Variants in CTCF observed in about 807,000 individuals in gnomAD.
CTCF encodes the protein transcriptional repressor CTCF.
In CTCF, 7 loss-of-function variants were observed where a neutral mutation model predicts 72.3. The ratio of observed to expected loss-of-function variants is 0.10; its 90% CI spans 0.06 to 0.18. The LOEUF (loss-of-function observed/expected upper bound fraction) is 0.18. CTCF is among the 10% of genes least tolerant of loss of function. The pLI, the probability that CTCF is intolerant of heterozygous loss-of-function variation, is 1.00. For missense variants in CTCF, 516 were observed against 949.1 expected (o/e 0.54, Z 6.00); for synonymous variants, 374 against 315.8 (o/e 1.18, Z -1.95).
In CTCF at chr16:67,610,983, G is replaced by A; in HGVS notation, c.151G>A (p.Val51Ile). 6.2e-7 allele frequency: 1 copy of A among 1,603,080 alleles called. No individual in the cohort carries two copies. The highest frequency in any genetic ancestry group is 8.5e-7 in the Non-Finnish European group (1 of 1,170,842). ...GAACCAGACGGATGGGGGTGAGGTG[G>A]TCCAGGATGTCAACAGCAGTGTACA... ...PQNQTDGGEV[V>I]QDVNSSVQMV... The change falls in exon 3 of 12, where the codon GTC becomes ATC. Residue 51 changes from valine (V) to isoleucine (I), a missense_variant. Transcript: ENST00000264010.
At chr16:67,607,197 T>C (rs1199288243) in intron 2 of CTCF, among the ~76,000 whole-genome samples, 1 of 152,054 alleles carries the variant, frequency 6.6e-6, no homozygotes, top group Non-Finnish European at 1.5e-5. Flanking sequence ...CTTCAAGTGA[T>C]CTGCCCGCCT....
chr16:67,577,835 T>C (rs564820346), intron 2 of CTCF, among the ~76,000 whole-genome samples: 40 of 152,270 alleles, frequency 2.6e-4, no homozygotes, highest in Non-Finnish European at 4.1e-4. Flanking sequence ...AGGAAGCTCC[T>C]GCATCTGCCC....
chr16:67,581,486 C>G (rs761725105), intron 2 of CTCF, among the ~76,000 whole-genome samples: 2 of 152,028 alleles, frequency 1.3e-5, no homozygotes, highest in East Asian at 3.9e-4. Context: ...CTAGGCCTGG[C>G]TTATTTTATT....
intron 2 of CTCF, among the ~76,000 whole-genome samples, chr16:67,606,429 C>T (rs1318788661): frequency 2.0e-5 from 3 of 152,198 alleles, no homozygotes; most frequent in African/African-American, 7.2e-5. Flanking sequence ...CATTGTGCTA[C>T]CTATTTTGTC....
In CTCF at chr16:67,629,746, C is replaced by CTTTTTTTTTTTTTT. The variant is rs71145978; in HGVS notation, c.1837+246_1837+259dup. Among the ~76,000 whole-genome samples the CTTTTTTTTTTTTTT allele has an allele frequency of 1.4e-4, 9 of 63,364 alleles. 3 individuals are homozygous for CTTTTTTTTTTTTTT. The highest frequency in any genetic ancestry group is 2.3e-4 in the Admixed American group (1 of 4,334). 41.6% of individuals were successfully genotyped at this position (63,364 alleles called of 152,430 possible). Reference sequence around the variant, plus strand: ...TCGTGGCATTCCGCTCATTAATGCCCTTTTTTTTTTTTTTTTTTTTTTTTT... The same window carrying CTTTTTTTTTTTTTT: ...TCGTGGCATTCCGCTCATTAATGCCCTTTTTTTTTTTTTTTTTTTTTTTTTTTTTTTTTTTTTTT... On this transcript the variant is annotated intron_variant, in intron 10 of 11. Transcript: ENST00000264010.
chr16:67,619,592 C>T (rs1354036147), intron 5 of CTCF, among the ~76,000 whole-genome samples: 2 of 151,988 alleles, frequency 1.3e-5, no homozygotes, highest in South Asian at 2.1e-4. Context: ...GCAGGGGGTG[C>T]GTGGCAGACA....
intron 7 of CTCF, among the ~76,000 whole-genome samples, chr16:67,624,161 A>T (rs1597723466): frequency 6.7e-6 from 1 of 150,288 alleles, no homozygotes; most frequent in South Asian, 2.1e-4. Flanking sequence ...ATGTGTGTAT[A>T]TATATATGTA....
At chr16:67,575,654 G>T (rs2051486715) in intron 2 of CTCF, among the ~76,000 whole-genome samples, 2 of 151,948 alleles carry the variant, frequency 1.3e-5, no homozygotes, top group Non-Finnish European at 2.9e-5. Context: ...TATTGGCTGG[G>T]CTGGTCTCAA....
At chr16:67,628,931 G>A (rs891147800) in intron 9 of CTCF, among the ~76,000 whole-genome samples, 1 of 152,010 alleles carries the variant, frequency 6.6e-6, no homozygotes, top group Admixed American at 6.6e-5. Context: ...GCGGTGGCGG[G>A]CCCCTGTACT....
intron 2 of CTCF, among the ~76,000 whole-genome samples, chr16:67,571,816 A>G (rs1024272355): frequency 6.6e-6 from 1 of 152,148 alleles, no homozygotes; most frequent in Non-Finnish European, 1.5e-5. Flanking sequence ...TGTGACAGTG[A>G]TTATCATTTT....
intron 2 of CTCF, among the ~76,000 whole-genome samples, chr16:67,601,261 TTTG>T (rs1451158263): frequency 2.7e-5 from 4 of 147,706 alleles, no homozygotes; most frequent in Non-Finnish European, 4.5e-5. Flanking sequence ...TGTGTTTTGT[TTTG>T]TTTTTTAAGA....
chr16:67,608,042 C>G (rs886353343), intron 2 of CTCF, among the ~76,000 whole-genome samples: 2 of 113,748 alleles, frequency 1.8e-5, no homozygotes, highest in African/African-American at 4.1e-5. Flanking sequence ...AAGTAAAAAC[C>G]GGTTGGGCGC....
intron 2 of CTCF, among the ~76,000 whole-genome samples, chr16:67,599,249 G>A (rs146043806): frequency 6.6e-6 from 1 of 152,280 alleles, no homozygotes; most frequent in Non-Finnish European, 1.5e-5. Flanking sequence ...ACAAAAACTA[G>A]TTGGGCCTGG....
chr16:67,609,974 T>G (rs1037331091), intron 2 of CTCF, among the ~76,000 whole-genome samples: 1 of 152,102 alleles, frequency 6.6e-6, no homozygotes, highest in Non-Finnish European at 1.5e-5. Context: ...TCTTGGAGGA[T>G]GTTTAATAGC....
At chr16:67,576,290 C>G (rs530235342) in intron 2 of CTCF, among the ~76,000 whole-genome samples, 85 of 151,766 alleles carry the variant, frequency 5.6e-4, no homozygotes, top group African/African-American at 2.0e-3. Context: ...AGCAGAAGCT[C>G]AATAAGTAAT....
At position 67,611,321 on chromosome 16, in the gene CTCF, G is replaced by T. The variant is rs762678010; in HGVS notation, c.489G>T (p.Gly163=). The T allele has an allele frequency of 5.1e-5, 83 of 1,613,976 alleles. No individual in the cohort carries two copies. Among genetic ancestry groups the T allele is most frequent in the Admixed American group, 1.8e-4 (11 of 59,972 alleles). ...GCCACACCCTACCTTTGCCTGAAGG[G>T]TTTCAGGTGGTTAAAGTGGGGGCCA... is the stretch of plus-strand genomic sequence containing the variant. ...MICHTLPLPE[G]FQVVKVGANG... The change falls in exon 3 of 12, where the codon GGG becomes GGT. Residue 163 remains glycine, a synonymous_variant. Transcript: ENST00000264010.
At chr16:67,592,647 G>A (rs989017513) in intron 2 of CTCF, among the ~76,000 whole-genome samples, 1 of 152,054 alleles carries the variant, frequency 6.6e-6, no homozygotes, top group African/African-American at 2.4e-5. Flanking sequence ...GGAAGTCGCA[G>A]TGAGCCAAGA....
In CTCF at chr16:67,638,049, G is replaced by A. The variant is rs183867567; in HGVS notation, c.*177G>A. 3.4e-6 allele frequency: 2 copies of A among 592,016 alleles called. No homozygotes were observed. The highest frequency in any genetic ancestry group is 3.0e-5 in the Admixed American group (1 of 33,124). The allele number at this position is 592,016 out of a possible 1,614,324, so 36.7% of individuals were successfully genotyped here. A position where few individuals can be genotyped will look rare whatever the true frequency, so the allele number is the denominator to read the frequency against. ...AAAAAATGTGATTTAACTAGAACTT[G>A]CTGTCTGATGTTAGCAAATCATGGA... On this transcript the variant is annotated 3_prime_UTR_variant, in exon 12 of 12. Transcript: ENST00000264010.
chr16:67,581,462 ACAGACATG>A (rs1310804935), intron 2 of CTCF, among the ~76,000 whole-genome samples: 1 of 151,900 alleles, frequency 6.6e-6, no homozygotes, highest in African/African-American at 2.4e-5. Context: ...AGCTGGGATT[ACAGACATG>A]CTCCACTAGG....
Sources: allele counts gnomAD v4.1 joint callset (sites outside exome capture counted in the v4.1 genomes callset), GRCh38; gene constraint gnomAD v4.1.1; transcripts MANE v1.5; gene names NCBI Gene and HGNC (gene_info 2026-07-23, HGNC 2026-07-21).